Variants in TRPM6 observed in about 807,000 individuals in gnomAD.
TRPM6 encodes the protein transient receptor potential cation channel subfamily M member 6, also known as channel kinase 2.
TRPM6 carries 111 observed loss-of-function variants against 247.6 expected under a neutral mutation model. The observed-to-expected ratio is 0.45, with a 90% CI of 0.38 to 0.52. TRPM6 has a LOEUF of 0.52. TRPM6 is among the 20% of genes least tolerant of loss of function. TRPM6 has a pLI of 0.00. For missense variants in TRPM6, 2,126 were observed against 2,421.5 expected (o/e 0.88, Z 2.56); for synonymous variants, 892 against 853.8 (o/e 1.04, Z -0.78).
intron 28 of TRPM6, 106 bp from the exon 29 acceptor site, chr9:74,752,474 G>T: frequency 4.4e-6 from 3 of 677,842 alleles, no homozygotes; most frequent in Admixed American, 2.6e-5. Flanking sequence ...ATTTAAACTT[G>T]GATATAGTTT....
At chr9:74,750,561 C>T (rs1826209794) in intron 30 of TRPM6, 103 bp downstream of exon 30, 2 of 1,013,076 alleles carry the variant, frequency 2.0e-6, no homozygotes, top group Non-Finnish European at 3.1e-6. Flanking sequence ...TTGACACACA[C>T]TTCTTTTCTC....
At chr9:74,756,091 C>T (rs1311242817) in intron 27 of TRPM6, among the ~76,000 whole-genome samples, 1 of 152,180 alleles carries the variant, frequency 6.6e-6, no homozygotes, top group Non-Finnish European at 1.5e-5. Flanking sequence ...TAAATCCAAG[C>T]TTGAATTATT....
intron 25 of TRPM6, among the ~76,000 whole-genome samples, chr9:74,769,910 T>C (rs537594294): frequency 6.6e-6 from 1 of 152,272 alleles, no homozygotes; most frequent in East Asian, 1.9e-4. Context: ...AATACGAGTC[T>C]ATGCTTCATA....
chr9:74,779,902 A>ATG, intron 23 of TRPM6, among the ~76,000 whole-genome samples: 1 of 152,210 alleles, frequency 6.6e-6, no homozygotes, highest in South Asian at 2.1e-4. Context: ...GGCTGGGCGC[A>ATG]GTGGCTCACA....
intron 3 of TRPM6, among the ~76,000 whole-genome samples, chr9:74,854,968 T>A (rs4431653): frequency 6.6e-6 from 1 of 152,084 alleles, no homozygotes; most frequent in Non-Finnish European, 1.5e-5. Flanking sequence ...TGTGAGTGAC[T>A]GTGCCTAGTC....
chr9:74,829,610 G>A (rs1387870286), intron 6 of TRPM6, among the ~76,000 whole-genome samples: 1 of 152,056 alleles, frequency 6.6e-6, no homozygotes, highest in African/African-American at 2.4e-5. Flanking sequence ...AGAAATAATG[G>A]ATGCAAAAGG....
At position 74,828,040 on chromosome 9, in the gene TRPM6, A is replaced by G; in HGVS notation, c.670-91T>C. 2.2e-6 allele frequency: 3 copies of G among 1,358,300 alleles called. No individual in the cohort carries two copies. In the South Asian group the frequency reaches 3.8e-5, roughly 17 times the overall value. 84.1% of individuals were successfully genotyped at this position (1,358,300 alleles called of 1,614,324 possible). On this transcript the variant is annotated intron_variant, in intron 6 of 38. Transcript: ENST00000360774. ...AAGGCCTATCTTTATGTGCTAAAAG[A>G]GTTCCTGTCTAGTTTAAAAAGTACT...
intron 4 of TRPM6, among the ~76,000 whole-genome samples, chr9:74,840,683 G>A (rs1453656327): frequency 6.6e-6 from 1 of 152,066 alleles, no homozygotes; most frequent in East Asian, 1.9e-4. Flanking sequence ...CAGGCATGGT[G>A]GCACACATCT....
In TRPM6 at chr9:74,738,631, C is replaced by T. The variant is rs1825766138; in HGVS notation, c.5571-19G>A. 1 of 1,609,138 alleles carries T rather than the reference C, an allele frequency of 6.2e-7. No individual in the cohort carries two copies. The highest frequency in any genetic ancestry group is 8.5e-7 in the Non-Finnish European group (1 of 1,175,648). The stretch of plus-strand genomic sequence containing the variant: ...CAGGAACCTGTTAGGGAAAAAGAGG[C>T]CATTGATCCCCCACAATACAGCAAA... On this transcript the variant is annotated intron_variant, in intron 35 of 38. Transcript: ENST00000360774.
intron 1 of TRPM6, among the ~76,000 whole-genome samples, chr9:74,861,023 A>G (rs544055698): frequency 9.8e-6 from 1 of 102,080 alleles, no homozygotes; most frequent in South Asian, 4.0e-4. Flanking sequence ...ACCTTGTCAC[A>G]AAAAAAAGAA....
Position 74,782,378 on chromosome 9 carries a change from A to G in TRPM6, c.3193T>C (p.Leu1065=). The G allele has an allele frequency of 5.0e-6, 8 of 1,612,938 alleles. No individual in the cohort carries two copies. The highest frequency in any genetic ancestry group is 6.8e-6 in the Non-Finnish European group (8 of 1,178,950). The part of the protein sequence containing the change: ...FVQYIIMVNL[L]IAFFNNVYLD... ...ATAACCTACTTGAAGAAAGCAATCA[A>G]CAGGTTCACCATGATGATATATTGC... is the stretch of plus-strand genomic sequence containing the variant. Residue 1065 remains leucine, a synonymous_variant, in exon 23 of 39, where the codon TTG becomes CTG. Transcript: ENST00000360774.
intron 37 of TRPM6, among the ~76,000 whole-genome samples, chr9:74,730,777 T>C (rs1392268729): frequency 6.6e-6 from 1 of 152,182 alleles, no homozygotes; most frequent in Non-Finnish European, 1.5e-5. Context: ...ATTGAACTAA[T>C]CAGACGTAAT....
intron 20 of TRPM6, among the ~76,000 whole-genome samples, chr9:74,786,980 C>T (rs1245620925): frequency 2.0e-5 from 3 of 152,022 alleles, no homozygotes; most frequent in African/African-American, 7.3e-5. Flanking sequence ...AGGTGGATCA[C>T]TTGAGGTCAG....
chr9:74,775,942 A>C lies in TRPM6; in HGVS notation c.3344T>G (p.Leu1115Arg). The change falls in exon 24 of 39, where the codon CTC becomes CGC. Residue 1115 changes from leucine (L) to arginine (R), a missense_variant. By Grantham distance (102) the Leu-to-Arg change is moderately radical. Transcript: ENST00000360774. Reference protein sequence around the residue: ...LILLSHVGLLLRRLCCHRAPH... With the variant: ...LILLSHVGLLRRRLCCHRAPH... ...AGCTCGATGACAGCACAGGCGGCGG[A>C]GGAGAAGGCCCACGTGGCTCAGCAG... 1 of 1,614,134 alleles carries C rather than the reference A, an allele frequency of 6.2e-7. No individual in the cohort carries two copies. Among genetic ancestry groups the C allele is most frequent in the African/African-American group, 1.3e-5 (1 of 75,028 alleles).
chr9:74,765,611 C>T (rs536332026), intron 25 of TRPM6, among the ~76,000 whole-genome samples: 19 of 152,242 alleles, frequency 1.2e-4, no homozygotes, highest in African/African-American at 3.1e-4. Context: ...TCATGGCTGA[C>T]GTGACCATTG....
At chr9:74,834,152 T>G (rs763248524) in intron 5 of TRPM6, 30 bp from the exon 6 acceptor site, 1 of 1,613,474 alleles carries the variant, frequency 6.2e-7, no homozygotes, top group East Asian at 2.2e-5. Flanking sequence ...AAGTCAAACT[T>G]TAATTCACAA....
intron 21 of TRPM6, among the ~76,000 whole-genome samples, chr9:74,783,194 A>C (rs1159596232): frequency 6.6e-6 from 1 of 152,200 alleles, no homozygotes; most frequent in Non-Finnish European, 1.5e-5. Context: ...AAATAAAAAA[A>C]AAAAAATAGG....
chr9:74,763,234 C>A, intron 25 of TRPM6, 100 bp from the exon 26 acceptor site: 2 of 1,130,150 alleles, frequency 1.8e-6, no homozygotes, highest in Non-Finnish European at 2.6e-6. Context: ...TCCTGAGCCT[C>A]AGCTGCTTCC....
intron 28 of TRPM6, among the ~76,000 whole-genome samples, chr9:74,754,228 G>A (rs1460395112): frequency 6.6e-6 from 1 of 152,042 alleles, no homozygotes; most frequent in Non-Finnish European, 1.5e-5. Flanking sequence ...AAGCTCTCAC[G>A]CTATATCTAT....
Sources: gnomAD v4.1 joint callset for allele counts (sites outside exome capture counted in the v4.1 genomes callset) on GRCh38, gnomAD v4.1.1 for gene constraint, MANE v1.5 for transcripts, NCBI Gene and HGNC (gene_info 2026-07-23, HGNC 2026-07-21) for gene names.